MYH10: variants seen among roughly 807,000 people sequenced by gnomAD.
The protein encoded by MYH10 is myosin heavy chain 10.
In MYH10, 55 loss-of-function variants were observed where a neutral mutation model predicts 257.8. The observed-to-expected ratio is 0.21, with a 90% CI of 0.17 to 0.27. The LOEUF (loss-of-function observed/expected upper bound fraction) is 0.27, where lower values mean the gene tolerates loss of function less well. Among genes scored for constraint, MYH10 ranks in the 10% least tolerant of loss-of-function variants. MYH10 has a pLI of 1.00. For missense variants in MYH10, 1,631 were observed against 2,500.6 expected, an observed-to-expected ratio of 0.65 and a Z score of 7.42; for synonymous variants, 854 against 921.7, an observed-to-expected ratio of 0.93 and a Z score of 1.33.
chr17:8,532,513 C>T (rs2082032768), intron 16 of MYH10, among the ~76,000 whole-genome samples: 1 of 152,212 alleles, frequency 6.6e-6, no homozygotes, highest in Non-Finnish European at 1.5e-5. Flanking sequence ...ACCTGTAAGA[C>T]ATAGCATCTG....
At chr17:8,484,002 G>T in intron 37 of MYH10, 136 bp downstream of exon 37, 3 of 726,898 alleles carry the variant, frequency 4.1e-6, no homozygotes, top group Non-Finnish European at 6.4e-6. Flanking sequence ...ATTAAAAATG[G>T]ATACTTAAAA....
chr17:8,611,857 A>G (rs531823109), intron 2 of MYH10, among the ~76,000 whole-genome samples: 9 of 152,320 alleles, frequency 5.9e-5, no homozygotes, highest in African/African-American at 2.2e-4. Context: ...GATAATGGCT[A>G]AGAATTTTCC....
At chr17:8,541,453 T>C (rs1488814518) in intron 14 of MYH10, among the ~76,000 whole-genome samples, 4 of 151,364 alleles carry the variant, frequency 2.6e-5, no homozygotes, top group Non-Finnish European at 5.9e-5. Context: ...TGATAAGGAG[T>C]ACAGAACCAG....
intron 38 of MYH10, 81 bp downstream of exon 38, chr17:8,481,241 A>G: frequency 7.3e-7 from 1 of 1,369,074 alleles, no homozygotes; most frequent in Admixed American, 1.7e-5. Context: ...CGCTGATGCC[A>G]GGTGTGTGGA....
intron 1 of MYH10, among the ~76,000 whole-genome samples, chr17:8,625,314 G>C (rs1302618555): frequency 6.6e-6 from 1 of 152,150 alleles, no homozygotes; most frequent in African/African-American, 2.4e-5. Context: ...AGATTCTTCA[G>C]AAATTACTTG....
chr17:8,484,069 T>C (rs1914338242), intron 37 of MYH10, 69 bp downstream of exon 37: 1 of 1,425,680 alleles, frequency 7.0e-7, no homozygotes, highest in Non-Finnish European at 9.4e-7. Flanking sequence ...ATATTAACTT[T>C]TTTTTGATCT....
At chr17:8,629,780 A>G (rs1438544425) in intron 1 of MYH10, among the ~76,000 whole-genome samples, 1 of 151,368 alleles carries the variant, frequency 6.6e-6, no homozygotes, top group Non-Finnish European at 1.5e-5. Context: ...GCGCCCCGCC[A>G]CATTTCCCGC....
At chr17:8,556,375 C>CA (rs2082797865) in intron 7 of MYH10, among the ~76,000 whole-genome samples, 1 of 152,300 alleles carries the variant, frequency 6.6e-6, no homozygotes, top group African/African-American at 2.4e-5. Flanking sequence ...CAATGTCCAC[C>CA]AACTGGTGAA....
rs754273931 is a variant in MYH10, at chr17:8,546,594, G to A, written c.1228C>T (p.Arg410Trp). The A allele has an allele frequency of 2.5e-6, 4 of 1,613,920 alleles. No individual in the cohort carries two copies. Among genetic ancestry groups the A allele is most frequent in the African/African-American group, 1.3e-5 (1 of 74,990 alleles). Residue 410 changes from arginine to tryptophan, a missense_variant, in exon 12 of 43, where the codon CGG becomes TGG. Arg to Trp is a moderately radical substitution (Grantham distance 101). This residue lies in a region of MYH10 where 360 missense variants were observed against 581.9 expected (regional missense o/e 0.62). Transcript: ENST00000360416. ...ACATAGTCTCGGCCGACCTTGATCCGGGGAGTCAGGATGGCCCGAGTAAAC... is the reference window on the plus strand; with the variant it reads ...ACATAGTCTCGGCCGACCTTGATCCAGGGAGTCAGGATGGCCCGAGTAAAC... Reference protein sequence around the residue: ...MEFTRAILTPRIKVGRDYVQK... With the variant: ...MEFTRAILTPWIKVGRDYVQK...
chr17:8,571,822 AC>A (rs201693031), intron 6 of MYH10, among the ~76,000 whole-genome samples: 5 of 150,564 alleles, frequency 3.3e-5, no homozygotes, highest in African/African-American at 1.2e-4. Flanking sequence ...GCCTTCCTCC[AC>A]CCCCCCGGGG....
intron 28 of MYH10, among the ~76,000 whole-genome samples, chr17:8,503,300 A>AAAAATAAAAT (rs56071409): frequency 0.42 from 63,660 of 150,156 alleles, 13,525 homozygotes; most frequent in East Asian, 0.5. Flanking sequence ...ATATAAAATA[A>AAAAATAAAAT]AAAATAAAAT....
intron 3 of MYH10, among the ~76,000 whole-genome samples, chr17:8,594,767 C>A (rs371688): frequency 0.98 from 148,855 of 152,278 alleles, 72,856 homozygotes; most frequent in Middle Eastern, 1. Flanking sequence ...ACATCCTCCC[C>A]TATATTGAAA....
chr17:8,605,349 T>A (rs965845316), intron 2 of MYH10, among the ~76,000 whole-genome samples: 1 of 152,208 alleles, frequency 6.6e-6, no homozygotes, highest in Non-Finnish European at 1.5e-5. Context: ...GTTAATGCAG[T>A]TTCAGATTCC....
At chr17:8,605,040 G>C (rs2084746015) in intron 2 of MYH10, 58 bp from the exon 3 acceptor site, 1 of 915,200 alleles carries the variant, frequency 1.1e-6, no homozygotes, top group African/African-American at 1.7e-5. Flanking sequence ...ATCAATCAGG[G>C]TCCAATCAGG....
At chr17:8,541,939 C>G (rs2082301839) in intron 14 of MYH10, 168 bp downstream of exon 14, 1 of 636,442 alleles carries the variant, frequency 1.6e-6, no homozygotes. Context: ...ATGCTACTGA[C>G]TTTTAAATTC....
At chr17:8,546,744 CTTAGTA>C (rs2082457244) in intron 11 of MYH10, 82 bp from the exon 12 acceptor site, 1 of 985,968 alleles carries the variant, frequency 1.0e-6, no homozygotes, top group Non-Finnish European at 1.5e-6. Flanking sequence ...CTGGAAAAAC[CTTAGTA>C]ACAATTAAAT....
At position 8,569,841 on chromosome 17, in the gene MYH10, A is replaced by C; in HGVS notation, c.664-29T>G. ...AAAGACATTACACACACACAAATAAAAGCAGATGTACGTTAATCTAATGTC... is the reference window on the plus strand; with the variant it reads ...AAAGACATTACACACACACAAATAACAGCAGATGTACGTTAATCTAATGTC... On this transcript the variant is annotated intron_variant, in intron 6 of 42. Coordinates refer to ENST00000360416, the MANE Select transcript of MYH10 (RefSeq NM_001256012.3). This position sits in a 1 kb window ranked among gnomAD's most constrained non-coding sequence, Gnocchi z 4.1. 6.6e-7 allele frequency: 1 copy of C among 1,512,248 alleles called. No individual in the cohort carries two copies. Among genetic ancestry groups the C allele is most frequent in the Non-Finnish European group, 9.1e-7 (1 of 1,101,584 alleles). 93.7% of individuals were successfully genotyped at this position (1,512,248 alleles called of 1,614,324 possible). A position where few individuals can be genotyped will look rare whatever the true frequency, so the allele number is the denominator to read the frequency against.
intron 2 of MYH10, among the ~76,000 whole-genome samples, chr17:8,608,806 G>A (rs1157221873): frequency 2.0e-5 from 3 of 151,514 alleles, no homozygotes; most frequent in Admixed American, 1.3e-4. Flanking sequence ...TCTATGATTG[G>A]GAAATTTTTT....
rs143184061 is a variant in MYH10 at position 8,484,244 on chromosome 17, C to T, written c.5069G>A (p.Arg1690His). ...GGATGCACGAGCTTCTTCTAATTCA[C>T]GTTGGTAATCCTTCATCTGAGCCTA... Reference protein sequence around the residue: ...KLQAQMKDYQRELEEARASRD... With the variant: ...KLQAQMKDYQHELEEARASRD... The change falls in exon 37 of 43, where the codon CGT becomes CAT. Residue 1690 changes from arginine to histidine, a missense_variant. By Grantham distance (29) the Arg-to-His change is conservative. Around this residue, in one of 11 missense-constraint regions of MYH10, gnomAD observed 463 missense variants for 621.8 expected, o/e 0.74. Coordinates refer to ENST00000360416, the MANE Select transcript of MYH10 (RefSeq NM_001256012.3). 54 of 1,612,404 alleles carry T rather than the reference C, an allele frequency of 3.3e-5. No individual in the cohort carries two copies. Among genetic ancestry groups the T allele is most frequent in the African/African-American group, 4.0e-5 (3 of 74,800 alleles).
Sources: gnomAD v4.1 joint callset for allele counts (sites outside exome capture counted in the v4.1 genomes callset) on GRCh38, gnomAD v4.1.1 for gene constraint, gnomAD v4.1.1 regional missense constraint, Gnocchi (gnomAD v3.1) non-coding constraint, MANE v1.5 for transcripts, NCBI Gene and HGNC (gene_info 2026-07-23, HGNC 2026-07-21) for gene names.